Variants in C3 observed in about 807,000 individuals in gnomAD.
C3 encodes the protein complement C3.
C3 carries 97 observed loss-of-function variants against 207.9 expected under a neutral mutation model. That is an observed-to-expected ratio of 0.47 (90% CI 0.40 to 0.55). C3 has a LOEUF of 0.55. Ranked by LOEUF, C3 falls within the 20% of genes least tolerant of loss-of-function variation. The pLI is 0.00. For missense variants in C3, 1,684 were observed against 2,171.7 expected (o/e 0.78, Z 4.46); for synonymous variants, 848 against 857.6 (o/e 0.99, Z 0.20).
intron 25 of C3, 28 bp from the exon 26 acceptor site, chr19:6,693,111 T>C (rs751613788): frequency 1.2e-6 from 2 of 1,612,200 alleles, no homozygotes; most frequent in South Asian, 2.2e-5. Context: ...CATGAGCCAA[T>C]CGGCTCTGAG....
At position 6,709,758 on chromosome 19, in the gene C3, C is replaced by T. The variant is rs1426247529; in HGVS notation, c.1771G>A (p.Ala591Thr). 1.2e-6 allele frequency: 2 copies of T among 1,614,072 alleles called. No individual in the cohort carries two copies. The highest frequency in any genetic ancestry group is 1.7e-6 in the Non-Finnish European group (2 of 1,180,030). ...TCCACGGCCACCAGTACCACCCGGGCCCCGTGGTCACCCTCTATCTTCAGG... is the reference window on the plus strand; with the variant it reads ...TCCACGGCCACCAGTACCACCCGGGTCCCGTGGTCACCCTCTATCTTCAGG... ...MTLKIEGDHG[A>T]RVVLVAVDKG... The change falls in exon 14 of 41, where the codon GCC becomes ACC. Residue 591 changes from alanine (A) to threonine (T), a missense_variant. Transcript: ENST00000245907.
At position 6,690,740 on chromosome 19, in the gene C3, G is replaced by A. The variant is rs375254258; in HGVS notation, c.3391-13C>T. 5.0e-6 allele frequency: 8 copies of A among 1,608,684 alleles called. No individual in the cohort carries two copies. Among genetic ancestry groups the A allele is most frequent in the Non-Finnish European group, 6.8e-6 (8 of 1,175,120 alleles). ...TCCGTAATCCACCCTGAGATAGAGA[G>A]CAGAAAGCAAGGATGGGGTCACCGG... On this transcript the variant is annotated splice_polypyrimidine_tract_variant and intron_variant, in intron 26 of 40. Coordinates refer to ENST00000245907, the MANE Select transcript of C3 (RefSeq NM_000064.4).
intron 19 of C3, among the ~76,000 whole-genome samples, chr19:6,701,635 C>T (rs550708936): frequency 6.6e-6 from 1 of 152,304 alleles, no homozygotes; most frequent in Admixed American, 6.5e-5. Context: ...AATCTCCTGC[C>T]TCAGCCTCCC....
At chr19:6,710,363 G>T in intron 13 of C3, among the ~76,000 whole-genome samples, 1 of 149,258 alleles carries the variant, frequency 6.7e-6, no homozygotes, top group Non-Finnish European at 1.5e-5. Flanking sequence ...GAGAAAAGGA[G>T]AGAGATGGAG....
intron 17 of C3, among the ~76,000 whole-genome samples, chr19:6,706,001 C>A (rs1165833056): frequency 6.6e-6 from 1 of 152,194 alleles, no homozygotes; most frequent in South Asian, 2.1e-4. Context: ...AGATAAATTT[C>A]TCTTTGTTTC....
intron 17 of C3, chr19:6,702,822 T>C: frequency 4.6e-6 from 2 of 431,928 alleles, no homozygotes; most frequent in Non-Finnish European, 8.7e-6. Context: ...TCGCTTGAGG[T>C]CAGGACTTTG....
intron 24 of C3, among the ~76,000 whole-genome samples, chr19:6,693,992 T>G (rs1478211136): frequency 8.4e-6 from 1 of 119,554 alleles, no homozygotes; most frequent in African/African-American, 3.7e-5. Flanking sequence ...GGGATGGGCA[T>G]GGCCTTGAGG....
intron 26 of C3, 38 bp downstream of exon 26, chr19:6,692,886 C>T: frequency 1.2e-6 from 2 of 1,609,882 alleles, no homozygotes; most frequent in Middle Eastern, 1.7e-4. Flanking sequence ...ACTCAGGAGC[C>T]CCTCTCTTCC....
chr19:6,718,887 T>C (rs1968102562), intron 2 of C3, among the ~76,000 whole-genome samples: 1 of 112,876 alleles, frequency 8.9e-6, no homozygotes, highest in Non-Finnish European at 1.8e-5. Context: ...GGGTGGGGTC[T>C]CAGGGAAGGG....
In C3 at chr19:6,719,647, C is replaced by G. The variant is rs11569404; in HGVS notation, c.75-244G>C. Among the ~76,000 whole-genome samples the G allele has an allele frequency of 0.022, 3,172 of 144,398 alleles. 122 individuals are homozygous for G. The highest frequency in any genetic ancestry group is 0.078 in the African/African-American group (3,014 of 38,516). 94.7% of individuals were successfully genotyped at this position (144,398 alleles called of 152,430 possible). A position where few individuals can be genotyped will look rare whatever the true frequency, so the allele number is the denominator to read the frequency against. On this transcript the variant is annotated intron_variant, in intron 1 of 40. Transcript: ENST00000245907. The surrounding 1 kb of genome is among the most constrained non-coding windows in gnomAD (Gnocchi z 5.4). Reference sequence around the variant, plus strand: ...GCCAGCTGGGCCTGGCCTTTGAAAGCCTGGGCAACGAGGGGGCCACACATC... The same window carrying G: ...GCCAGCTGGGCCTGGCCTTTGAAAGGCTGGGCAACGAGGGGGCCACACATC...
At position 6,707,197 on chromosome 19, in the gene C3, C is replaced by A; in HGVS notation, c.2124G>T (p.Gln708His). The A allele has an allele frequency of 1.2e-6, 2 of 1,613,816 alleles. No individual in the cohort carries two copies. The highest frequency in any genetic ancestry group is 1.7e-6 in the Non-Finnish European group (2 of 1,179,900). ...MRENPMRFSC[Q>H]RRTRFISLGE... is the part of the protein sequence containing the mutation. ...CCAGGGAGATGAAACGGGTCCGGCG[C>A]TGGCACGAGAACCTCATGGGGTTCT... The change falls in exon 17 of 41, where the codon CAG becomes CAT. Residue 708 changes from glutamine (Q) to histidine (H), a missense_variant. This residue lies in a region of C3 where 1,280 missense variants were observed against 1,739.1 expected (regional missense o/e 0.74). Coordinates refer to ENST00000245907, the MANE Select transcript of C3 (RefSeq NM_000064.4).
At chr19:6,714,853 G>A (rs187152555) in intron 4 of C3, among the ~76,000 whole-genome samples, 89 of 151,832 alleles carry the variant, frequency 5.9e-4, no homozygotes, top group African/African-American at 2.1e-3. Context: ...CAGAGTGAGA[G>A]TCTGTCTCGA....
Position 6,687,756 on chromosome 19 carries a change from C to T in C3, c.3490-854G>A, listed in dbSNP as rs145262670. Among the ~76,000 whole-genome samples, 72 of 152,174 alleles carry T rather than the reference C, an allele frequency of 4.7e-4. 2 individuals carry two copies. The South Asian group carries it at 9.6e-3, about 20-fold the overall frequency. ...TTATGGGAGTAAGGCGTTTAGGAAG[C>T]GATGAGTTTGAGTGTTTCTAACCTT... On this transcript the variant is annotated intron_variant, in intron 27 of 40. Coordinates refer to ENST00000245907, the MANE Select transcript of C3 (RefSeq NM_000064.4).
intron 4 of C3, among the ~76,000 whole-genome samples, 153 bp from the exon 5 acceptor site, chr19:6,714,599 C>T (rs1477615540): frequency 1.3e-5 from 2 of 152,226 alleles, no homozygotes; most frequent in South Asian, 2.1e-4. Context: ...CAGCGGCTCA[C>T]GCCTGTCATC....
At chr19:6,697,155 C>G (rs145030073) in intron 21 of C3, among the ~76,000 whole-genome samples, 189 bp downstream of exon 21, 56 of 151,740 alleles carry the variant, frequency 3.7e-4, no homozygotes, top group Middle Eastern at 6.8e-3. Flanking sequence ...AATTCTAAGC[C>G]TGGGGTCATC....
chr19:6,711,134 C>A lies in C3; in HGVS notation c.1332G>T (p.Leu444=). Residue 444 remains leucine (L), a synonymous_variant, in exon 12 of 41, where the codon CTG becomes CTT. Transcript: ENST00000245907. ...AEQATRTMQA[L]PYSTVGNSNN... ...TGGAGTTGCCCACGGTGCTGTAGGG[C>A]AGAGCCTGCATGGTCCTGGTAGCCT... 1 of 1,614,088 alleles carries A rather than the reference C, an allele frequency of 6.2e-7. No homozygotes were observed. The highest frequency in any genetic ancestry group is 8.5e-7 in the Non-Finnish European group (1 of 1,180,018).
chr19:6,690,543 C>A, intron 27 of C3, 86 bp downstream of exon 27: 2 of 1,027,022 alleles, frequency 1.9e-6, no homozygotes, highest in South Asian at 2.5e-5. Flanking sequence ...GCTGCAAATT[C>A]CCTGAAGGCA....
intron 21 of C3, among the ~76,000 whole-genome samples, chr19:6,697,075 AAAAATTTCAAATCGAGT>A (rs1967554629): frequency 2.2e-5 from 2 of 90,552 alleles, no homozygotes; most frequent in Non-Finnish European, 2.3e-5. Context: ...TAAATAAATA[AAAAATTTCAAATCGAGT>A]ATAAAAAAAT....
rs1434273246 is a variant in C3, at chr19:6,719,081, C to A, written c.267+130G>T. The A allele has an allele frequency of 1.2e-5, 10 of 802,296 alleles. No individual in the cohort carries two copies. The highest frequency in any genetic ancestry group is 2.1e-5 in the Non-Finnish European group (10 of 479,188). 49.7% of individuals were successfully genotyped at this position (802,296 alleles called of 1,614,324 possible). A position where few individuals can be genotyped will look rare whatever the true frequency, so the allele number is the denominator to read the frequency against. ...AGGGGCTTAGAAGGAGAGGCGACTC[C>A]GAAGGGGTGGAGTCTCAGGGAAGGG... On this transcript the variant is annotated intron_variant, in intron 2 of 40. Coordinates refer to ENST00000245907, the MANE Select transcript of C3 (RefSeq NM_000064.4). This position sits in a 1 kb window ranked among gnomAD's most constrained non-coding sequence, Gnocchi z 5.4.
Sources: gnomAD v4.1 joint callset for allele counts (sites outside exome capture counted in the v4.1 genomes callset) on GRCh38, gnomAD v4.1.1 for gene constraint, gnomAD v4.1.1 regional missense constraint, Gnocchi (gnomAD v3.1) non-coding constraint, MANE v1.5 for transcripts, NCBI Gene and HGNC (gene_info 2026-07-23, HGNC 2026-07-21) for gene names.